GPHN: variants seen among roughly 807,000 people sequenced by gnomAD.
GPHN encodes gephyrin.
Under a neutral mutation model 95.5 loss-of-function variants are expected in GPHN, and 17 were observed. The ratio of observed to expected loss-of-function variants is 0.18; its 90% CI spans 0.12 to 0.27. The LOEUF is 0.27. Ranked by LOEUF, GPHN falls within the 10% of genes least tolerant of loss-of-function variation. The pLI is 1.00. For synonymous variants in GPHN, 320 were observed against 322.5 expected (o/e 0.99, Z 0.08); for missense variants, 660 against 978.1 (o/e 0.67, Z 4.34).
At chr14:67,371,330 G>A in the GPHN span, among the ~76,000 whole-genome samples, 2 of 151,606 alleles carry the variant, frequency 1.3e-5, no homozygotes, top group South Asian at 4.2e-4. Context: ...TGAGGTGGGA[G>A]GACGGCTTGA....
chr14:67,574,536 G>A, the GPHN span: 5 of 666,354 alleles, frequency 7.5e-6, no homozygotes, highest in South Asian at 5.7e-5. This position sits in a 1 kb window ranked among gnomAD's most constrained non-coding sequence, Gnocchi z 4.2. Context: ...ACAGTGACTC[G>A]CTGGCCAGCC....
chr14:66,688,986 C>T (rs2153404843), intron 2 of GPHN, among the ~76,000 whole-genome samples: 1 of 152,162 alleles, frequency 6.6e-6, no homozygotes, highest in South Asian at 2.1e-4. Context: ...ATGGGTGCAG[C>T]AAACCAACAT....
the GPHN span, chr14:67,411,886 C>G: frequency 2.5e-6 from 2 of 812,278 alleles, no homozygotes; most frequent in Non-Finnish European, 1.8e-6. Flanking sequence ...ACAGGCGGCC[C>G]GGTCCCACCA....
At chr14:66,948,135 A>G (rs2067869415) in intron 8 of GPHN, among the ~76,000 whole-genome samples, 1 of 152,210 alleles carries the variant, frequency 6.6e-6, no homozygotes, top group Middle Eastern at 3.2e-3. Flanking sequence ...ACTGGCATGC[A>G]GATTTCAGCA....
the GPHN span, among the ~76,000 whole-genome samples, chr14:67,465,262 T>C: frequency 1.3e-5 from 2 of 152,004 alleles, no homozygotes; most frequent in Non-Finnish European, 1.5e-5. Flanking sequence ...CAGTCTCCAG[T>C]TGGGCTAAGA....
At chr14:66,784,753 A>G (rs560701060) in intron 3 of GPHN, among the ~76,000 whole-genome samples, 1 of 152,322 alleles carries the variant, frequency 6.6e-6, no homozygotes, top group African/African-American at 2.4e-5. Flanking sequence ...CGCTATGAAT[A>G]AAGGTAGAAT....
the GPHN span, among the ~76,000 whole-genome samples, chr14:67,229,368 C>G: frequency 2.6e-5 from 4 of 152,202 alleles, no homozygotes; most frequent in Non-Finnish European, 4.4e-5. Flanking sequence ...TCCTGGCCCA[C>G]AAGCAACCCT....
chr14:66,534,910 C>T lies in GPHN; in HGVS notation c.64+26319C>T, dbSNP rs574031085. Among the ~76,000 whole-genome samples the T allele has an allele frequency of 3.9e-5, 6 of 152,190 alleles. 1 individual carries two copies. The South Asian group carries it at 1.2e-3, about 32-fold the overall frequency. ...GAGACCTTTGCATGGCAAATTTCTT[C>T]TCCCAGTCTGAGGCTAGTCATTTCA... On this transcript the variant is annotated intron_variant, in intron 1 of 22. Transcript: ENST00000478722.
At chr14:67,279,335 G>A in the GPHN span, 1 of 1,613,960 alleles carries the variant, frequency 6.2e-7, no homozygotes, top group Non-Finnish European at 8.5e-7. Flanking sequence ...GAAGTGCACA[G>A]TTGGAGCGTA....
the GPHN span, among the ~76,000 whole-genome samples, chr14:67,698,204 G>T: frequency 2.0e-5 from 3 of 152,194 alleles, no homozygotes; most frequent in South Asian, 2.1e-4. Context: ...CCCCATACTT[G>T]TGTGTATTTG....
chr14:67,636,889 G>A, the GPHN span, among the ~76,000 whole-genome samples: 1 of 152,322 alleles, frequency 6.6e-6, no homozygotes, highest in East Asian at 1.9e-4. Flanking sequence ...AGAAGAAAGA[G>A]CAGCAATGAA....
chr14:66,910,189 G>A (rs76510014), intron 5 of GPHN, among the ~76,000 whole-genome samples: 2,298 of 151,928 alleles, frequency 0.015, 33 homozygotes, highest in Non-Finnish European at 0.018. Context: ...TAATAAGCCA[G>A]TACATATATG....
At chr14:67,359,942 A>AC in the GPHN span, 121 of 558,218 alleles carry the variant, frequency 2.2e-4, no homozygotes, top group Non-Finnish European at 3.3e-4. Context: ...CCGCGGAACC[A>AC]CCCCTCAATT....
At chr14:67,467,902 C>T in the GPHN span, 1 of 152,062 alleles carries the variant, frequency 6.6e-6, no homozygotes, top group Admixed American at 6.5e-5. Context: ...CATGCAGGGC[C>T]CAAAGTTCAG....
intron 1 of GPHN, among the ~76,000 whole-genome samples, chr14:66,538,268 T>G (rs947239916): frequency 3.3e-5 from 5 of 152,158 alleles, no homozygotes; most frequent in Non-Finnish European, 7.3e-5. Context: ...ATAGTTTGTA[T>G]GGTGCCTAGG....
At chr14:66,934,359 T>A (rs1212720339) in intron 8 of GPHN, among the ~76,000 whole-genome samples, 1 of 152,216 alleles carries the variant, frequency 6.6e-6, no homozygotes, top group East Asian at 1.9e-4. Context: ...ATTCCTCTTG[T>A]AATTGACATT....
the GPHN span, chr14:67,695,515 GCCATCTTGGAGCCCCC>G: frequency 9.8e-7 from 1 of 1,019,148 alleles, no homozygotes; most frequent in Non-Finnish European, 1.4e-6. Flanking sequence ...TCTGGGCTCC[GCCATCTTGGAGCCCCC>G]CCAGGGGAGT....
chr14:67,204,995 C>T, the GPHN span: 120 of 1,565,720 alleles, frequency 7.7e-5, no homozygotes, highest in East Asian at 1.9e-4. Context: ...AGAGAAGCCA[C>T]GGAAGTCACA....
rs1205670543 is a variant in GPHN at position 67,144,248 on chromosome 14, A to ATAT, written c.1836+799_1836+800insTAT. On this transcript the variant is annotated intron_variant, in intron 18 of 22. Coordinates refer to ENST00000478722, the MANE Select transcript of GPHN (RefSeq NM_020806.5). ...CAAGACCCTGTCTTAAAAAAAAAAAAAAATATATATATATATATATATATA... is the reference window on the plus strand; with the variant it reads ...CAAGACCCTGTCTTAAAAAAAAAAAATATAAATATATATATATATATATATATA... 9.3e-3 allele frequency among the ~76,000 whole-genome samples: 577 copies of ATAT among 62,020 alleles called. 4 individuals are homozygous for ATAT. The highest frequency in any genetic ancestry group is 0.012 in the Admixed American group (48 of 4,024). 40.7% of individuals were successfully genotyped at this position (62,020 alleles called of 152,430 possible).
Sources: allele counts gnomAD v4.1 joint callset (sites outside exome capture counted in the v4.1 genomes callset), GRCh38; gene constraint gnomAD v4.1.1; non-coding constraint Gnocchi (gnomAD v3.1); transcripts MANE v1.5; gene names NCBI Gene and HGNC (gene_info 2026-07-23, HGNC 2026-07-21).